The following ARHGAP22 variants were observed in gnomAD, a reference collection of about 807,000 sequenced individuals.
The protein encoded by ARHGAP22 is rho GTPase-activating protein 22.
Under a neutral mutation model 59.1 loss-of-function variants are expected in ARHGAP22, and 48 were observed. The ratio of observed to expected loss-of-function variants is 0.81; its 90% CI spans 0.64 to 1.03. ARHGAP22 has a LOEUF of 1.03. ARHGAP22 is among the 50% of genes least tolerant of loss of function. The probability of loss-of-function intolerance (pLI) is 0.00; values close to 1 mark genes in which losing one functional copy is unlikely to be tolerated. For missense variants in ARHGAP22, 1,015 were observed against 958.7 expected (o/e 1.06, Z -0.78); for synonymous variants, 445 against 416.4 (o/e 1.07, Z -0.84).
At chr10:48,641,515 G>A (rs1014913065) in intron 1 of ARHGAP22, among the ~76,000 whole-genome samples, 2 of 152,114 alleles carry the variant, frequency 1.3e-5, no homozygotes, top group Non-Finnish European at 1.5e-5. Context: ...CTCAATAGAC[G>A]CAGAAAAGGC....
At chr10:48,555,376 GAGTGTCACGA>G in intron 3 of ARHGAP22, 77 bp downstream of exon 3, 2 of 922,132 alleles carry the variant, frequency 2.2e-6, no homozygotes, top group Non-Finnish European at 3.2e-6. Flanking sequence ...CCTGCGGGAG[GAGTGTCACGA>G]AGGTCTGCCC....
At chr10:48,636,431 T>C (rs2061820112) in intron 1 of ARHGAP22, among the ~76,000 whole-genome samples, 1 of 152,186 alleles carries the variant, frequency 6.6e-6, no homozygotes, top group Non-Finnish European at 1.5e-5. Flanking sequence ...CAGGAATGTC[T>C]GCTTGAGTCT....
intron 4 of ARHGAP22, among the ~76,000 whole-genome samples, chr10:48,465,092 G>C (rs561822068): frequency 1.3e-5 from 2 of 152,066 alleles, no homozygotes; most frequent in African/African-American, 4.8e-5. Context: ...GCCTGCCCCC[G>C]CCTGGCTGAA....
chr10:48,515,109 A>G (rs1331239752), intron 3 of ARHGAP22, among the ~76,000 whole-genome samples: 2 of 152,338 alleles, frequency 1.3e-5, no homozygotes, highest in Middle Eastern at 3.4e-3. Context: ...TACATTAAAT[A>G]TAAATGGAAT....
chr10:48,614,547 C>T (rs1406884039), intron 1 of ARHGAP22, among the ~76,000 whole-genome samples: 3 of 152,120 alleles, frequency 2.0e-5, no homozygotes, highest in Non-Finnish European at 1.5e-5. Flanking sequence ...GTTAAAATGG[C>T]AGAGTAAGAC....
chr10:48,451,654 C>T, intron 8 of ARHGAP22: 1 of 646,998 alleles, frequency 1.5e-6, no homozygotes, highest in Non-Finnish European at 2.8e-6. Context: ...TGCACCCCGC[C>T]CACCCCCTAA....
chr10:48,472,324 G>A (rs1192675668), intron 4 of ARHGAP22, among the ~76,000 whole-genome samples: 1 of 151,998 alleles, frequency 6.6e-6, no homozygotes, highest in East Asian at 1.9e-4. Context: ...AGGAGTTCGA[G>A]ACCAGCCTGG....
At chr10:48,447,142 A>G (rs115883259) in intron 9 of ARHGAP22, among the ~76,000 whole-genome samples, 1,703 of 152,186 alleles carry the variant, frequency 0.011, 34 homozygotes, top group African/African-American at 0.039. Flanking sequence ...CGCCCCCTCC[A>G]TGATGCTACT....
upstream of ARHGAP22, chr10:48,656,062 C>G (rs964936120): frequency 2.6e-5 from 4 of 152,082 alleles, no homozygotes; most frequent in African/African-American, 9.7e-5. Context: ...CCTGCCTCGG[C>G]CGCCCGGGGC....
At chr10:48,626,029 T>C (rs2061437739) in intron 1 of ARHGAP22, among the ~76,000 whole-genome samples, 1 of 152,192 alleles carries the variant, frequency 6.6e-6, no homozygotes, top group Non-Finnish European at 1.5e-5. Flanking sequence ...AAAGCAGCCA[T>C]GTCCCTTCTT....
intron 1 of ARHGAP22, among the ~76,000 whole-genome samples, chr10:48,621,470 G>C (rs1022614777): frequency 6.6e-6 from 1 of 152,102 alleles, no homozygotes; most frequent in Non-Finnish European, 1.5e-5. Context: ...TAAGTAAATG[G>C]TAACTATTGT....
chr10:48,523,905 CAGA>C (rs1448185043), intron 3 of ARHGAP22: 2 of 546,414 alleles, frequency 3.7e-6, no homozygotes, highest in South Asian at 5.5e-5. Context: ...TTAGGAGACT[CAGA>C]GGAGCAGCAG....
chr10:48,453,592 C>T (rs2133652548), intron 7 of ARHGAP22, among the ~76,000 whole-genome samples, 167 bp from the exon 8 acceptor site: 1 of 152,352 alleles, frequency 6.6e-6, no homozygotes, highest in East Asian at 1.9e-4. Flanking sequence ...AAGGCTTCCC[C>T]TGGGGCCCAA....
At chr10:48,518,934 C>T (rs943711485) in intron 3 of ARHGAP22, among the ~76,000 whole-genome samples, 4 of 152,156 alleles carry the variant, frequency 2.6e-5, no homozygotes, top group Non-Finnish European at 5.9e-5. Context: ...AGTTTTAGCC[C>T]GATTAGCTTT....
Position 48,507,240 on chromosome 10 carries a change from T to G in ARHGAP22, c.323-27476A>C, listed in dbSNP as rs2052237852. ...ATCTGTCAACCTCATCCATCTAGAG[T>G]CCAAGGACACGCAAAACAATGATTG... On this transcript the variant is annotated intron_variant, in intron 3 of 9. Coordinates refer to ENST00000249601, the MANE Select transcript of ARHGAP22 (RefSeq NM_021226.4). Among the ~76,000 whole-genome samples, 6 of 152,154 alleles carry G rather than the reference T, an allele frequency of 3.9e-5. No individual in the cohort carries two copies. The South Asian group carries it at 1.2e-3, about 32-fold the overall frequency.
intron 1 of ARHGAP22, among the ~76,000 whole-genome samples, chr10:48,589,798 T>C (rs1022444196): frequency 2.0e-4 from 31 of 152,128 alleles, no homozygotes; most frequent in African/African-American, 4.8e-5. Flanking sequence ...TTCTCCAAAA[T>C]AGATATGCAG....
chr10:48,454,944 C>T (rs1411284003), intron 6 of ARHGAP22, 58 bp downstream of exon 6: 1 of 1,514,648 alleles, frequency 6.6e-7, no homozygotes, highest in East Asian at 2.3e-5. Flanking sequence ...TGTCCTGAGT[C>T]TACAGGCTGC....
intron 1 of ARHGAP22, among the ~76,000 whole-genome samples, chr10:48,613,303 C>T (rs931873245): frequency 1.3e-5 from 2 of 152,182 alleles, no homozygotes; most frequent in African/African-American, 4.8e-5. Context: ...TGATGAGCAT[C>T]TAGTTTCCAA....
At chr10:48,587,067 A>T (rs1375649440) in intron 1 of ARHGAP22, among the ~76,000 whole-genome samples, 1 of 152,210 alleles carries the variant, frequency 6.6e-6, no homozygotes, top group African/African-American at 2.4e-5. Flanking sequence ...TGTGGAGGAC[A>T]CAGACTTGGA....
Sources: allele counts gnomAD v4.1 joint callset (sites outside exome capture counted in the v4.1 genomes callset), GRCh38; gene constraint gnomAD v4.1.1; transcripts MANE v1.5; gene names NCBI Gene and HGNC (gene_info 2026-07-23, HGNC 2026-07-21).